Variants in DLG2 observed in about 807,000 individuals in gnomAD.
DLG2 encodes disks large homolog 2.
DLG2 carries 45 observed loss-of-function variants against 132.5 expected under a neutral mutation model. The observed-to-expected ratio is 0.34, with a 90% CI of 0.27 to 0.44. The LOEUF (loss-of-function observed/expected upper bound fraction) is 0.44. DLG2 is among the 20% of genes least tolerant of loss of function. DLG2 has a pLI of 1.00. For missense variants in DLG2, 1,045 were observed against 1,196.9 expected (o/e 0.87, Z 1.87); for synonymous variants, 424 against 419.6 (o/e 1.01, Z -0.13).
At chr11:84,658,795 A>T (rs982513655) in intron 6 of DLG2, among the ~76,000 whole-genome samples, 2 of 152,174 alleles carry the variant, frequency 1.3e-5, no homozygotes, top group Admixed American at 6.6e-5. Flanking sequence ...TGCTGGTGCC[A>T]TGTTTGTACA....
intron 7 of DLG2, among the ~76,000 whole-genome samples, chr11:84,375,458 T>A (rs1197420523): frequency 8.5e-5 from 13 of 152,170 alleles, no homozygotes; most frequent in Non-Finnish European, 4.4e-5. Context: ...CATTTTATAA[T>A]ACAGACTTTA....
At chr11:84,600,920 A>G (rs1432906937) in intron 6 of DLG2, among the ~76,000 whole-genome samples, 3 of 152,218 alleles carry the variant, frequency 2.0e-5, no homozygotes, top group Non-Finnish European at 4.4e-5. Context: ...GATAATTGCT[A>G]TAGAAGTTCA....
chr11:85,490,053 T>C (rs1370110945), intron 3 of DLG2, among the ~76,000 whole-genome samples: 1 of 152,096 alleles, frequency 6.6e-6, no homozygotes, highest in East Asian at 1.9e-4. Flanking sequence ...CCAGGTGCAG[T>C]GGTATGTACC....
At chr11:85,542,997 T>C (rs895450769) in intron 3 of DLG2, among the ~76,000 whole-genome samples, 4 of 152,190 alleles carry the variant, frequency 2.6e-5, no homozygotes, top group African/African-American at 9.7e-5. Context: ...TTCTCTTTTT[T>C]TTAATTATAA....
At chr11:84,316,932 T>A (rs1435946423) in intron 7 of DLG2, 1 of 1,612,594 alleles carries the variant, frequency 6.2e-7, no homozygotes, top group African/African-American at 1.3e-5. Flanking sequence ...TCCCACAAGG[T>A]CCTGTTGAAG....
intron 6 of DLG2, among the ~76,000 whole-genome samples, chr11:84,867,342 T>C (rs891306160): frequency 2.6e-5 from 4 of 152,216 alleles, no homozygotes; most frequent in Admixed American, 6.5e-5. Context: ...TGGACTCCTT[T>C]AGCTTGTTGC....
chr11:85,532,894 T>G (rs1050301616), intron 3 of DLG2, among the ~76,000 whole-genome samples: 3 of 152,192 alleles, frequency 2.0e-5, no homozygotes, highest in Non-Finnish European at 2.9e-5. Flanking sequence ...TGTTAAAAAT[T>G]CCACGAAACA....
intron 11 of DLG2, among the ~76,000 whole-genome samples, chr11:84,024,770 T>C (rs2095493247): frequency 6.6e-6 from 1 of 151,708 alleles, no homozygotes; most frequent in Admixed American, 6.6e-5. Context: ...GAGGAGATGA[T>C]GGTTAAAGAG....
In DLG2 at chr11:84,480,068, T is replaced by C. The variant is rs536716444; in HGVS notation, c.519+54502A>G. ...ACTCTTAAGAAATGTTTTGCTTACA[T>C]TCTTCTCGTCATATTATTTCATGGT... On this transcript the variant is annotated intron_variant, in intron 7 of 27. Transcript: ENST00000376104. Among the ~76,000 whole-genome samples the C allele has an allele frequency of 3.4e-4, 52 of 152,320 alleles. 1 individual carries two copies. The South Asian group carries it at 0.011, about 31-fold the overall frequency.
intron 8 of DLG2, among the ~76,000 whole-genome samples, chr11:84,202,670 A>G (rs1312898819): frequency 6.6e-6 from 1 of 152,232 alleles, no homozygotes; most frequent in African/African-American, 2.4e-5. Context: ...CTATCATCAA[A>G]GTGAACAGAC....
chr11:85,390,556 C>G (rs186995752), intron 3 of DLG2, among the ~76,000 whole-genome samples: 19 of 151,484 alleles, frequency 1.3e-4, no homozygotes, highest in African/African-American at 3.9e-4. Context: ...CAAGTCTCAA[C>G]AAATTTAAGA....
chr11:83,582,092 G>T (rs574311293), intron 19 of DLG2, among the ~76,000 whole-genome samples: 1 of 151,660 alleles, frequency 6.6e-6, no homozygotes, highest in East Asian at 1.9e-4. Flanking sequence ...AAGTAGCTGG[G>T]ATTACAGGCA....
chr11:85,580,032 G>C (rs1182160321), intron 3 of DLG2, among the ~76,000 whole-genome samples: 1 of 152,082 alleles, frequency 6.6e-6, no homozygotes, highest in Non-Finnish European at 1.5e-5. Flanking sequence ...TCTTTCTCAT[G>C]ATGTTCTCAT....
At chr11:84,952,344 C>T (rs1031474832) in intron 6 of DLG2, among the ~76,000 whole-genome samples, 1 of 152,160 alleles carries the variant, frequency 6.6e-6, no homozygotes, top group South Asian at 2.1e-4. Flanking sequence ...GGTGAAACCC[C>T]GTCTCTACTA....
intron 6 of DLG2, among the ~76,000 whole-genome samples, chr11:85,108,811 C>G (rs571507649): frequency 2.0e-5 from 3 of 151,924 alleles, no homozygotes; most frequent in African/African-American, 4.8e-5. Context: ...CAAACCCTAT[C>G]AAAAATAAAT....
chr11:85,362,648 CA>C (rs1330043945), intron 3 of DLG2, among the ~76,000 whole-genome samples: 3 of 151,750 alleles, frequency 2.0e-5, no homozygotes, highest in African/African-American at 4.8e-5. Flanking sequence ...AGGACTTCCA[CA>C]GACTTTTCTT....
intron 6 of DLG2, among the ~76,000 whole-genome samples, chr11:84,591,404 T>C (rs930800270): frequency 3.3e-5 from 5 of 151,780 alleles, no homozygotes; most frequent in African/African-American, 1.2e-4. Flanking sequence ...CAGTGGCTCA[T>C]GCCTGTAATC....
At chr11:83,907,173 G>A (rs569822069) in intron 15 of DLG2, among the ~76,000 whole-genome samples, 3 of 152,212 alleles carry the variant, frequency 2.0e-5, no homozygotes, top group African/African-American at 4.8e-5. Flanking sequence ...CATTTAATGT[G>A]GGAGAAACAT....
At chr11:83,823,758 C>T (rs957811574) in intron 17 of DLG2, among the ~76,000 whole-genome samples, 5 of 152,252 alleles carry the variant, frequency 3.3e-5, no homozygotes, top group African/African-American at 7.2e-5. Context: ...GTTTCATCCT[C>T]AAGGGAAGCT....
Sources: gnomAD v4.1 joint callset for allele counts (sites outside exome capture counted in the v4.1 genomes callset) on GRCh38, gnomAD v4.1.1 for gene constraint, MANE v1.5 for transcripts, NCBI Gene and HGNC (gene_info 2026-07-23, HGNC 2026-07-21) for gene names.